The following CDC14B variants were observed in gnomAD, a reference collection of about 807,000 sequenced individuals.
CDC14B encodes cell division cycle 14B, also known as dual specificity protein phosphatase CDC14B.
Under a neutral mutation model 64.2 loss-of-function variants are expected in CDC14B, and 22 were observed. The observed-to-expected ratio is 0.34, with a 90% CI of 0.24 to 0.49. The LOEUF (loss-of-function observed/expected upper bound fraction) is 0.49. CDC14B is among the 20% of genes least tolerant of loss of function. CDC14B has a pLI of 0.99. For missense variants in CDC14B, 498 were observed against 629.9 expected (o/e 0.79, Z 2.24); for synonymous variants, 191 against 215.8 (o/e 0.89, Z 1.01).
intron 12 of CDC14B, 106 bp from the exon 13 acceptor site, chr9:96,509,895 G>A: frequency 2.9e-6 from 2 of 686,612 alleles, no homozygotes; most frequent in East Asian, 5.4e-5. Context: ...CTTGAGAATT[G>A]AGAGGATTTT....
intron 9 of CDC14B, among the ~76,000 whole-genome samples, chr9:96,527,720 C>A (rs962686375): frequency 9.2e-5 from 14 of 152,106 alleles, no homozygotes; most frequent in Middle Eastern, 3.4e-3. Context: ...GGTTCACGCC[C>A]TTCTCCTGCC....
At chr9:96,578,909 C>T (rs753428780) in intron 1 of CDC14B, among the ~76,000 whole-genome samples, 11 of 152,196 alleles carry the variant, frequency 7.2e-5, no homozygotes, top group Non-Finnish European at 1.6e-4. Flanking sequence ...ACCTCTGCCT[C>T]CTGGTTCCAG....
chr9:96,586,482 T>G (rs1845460192), intron 1 of CDC14B, among the ~76,000 whole-genome samples: 1 of 152,216 alleles, frequency 6.6e-6, no homozygotes, highest in Non-Finnish European at 1.5e-5. Flanking sequence ...TCACCCAGGC[T>G]GTAGTGCAGT....
At chr9:96,504,367 A>G (rs1482556281) in intron 13 of CDC14B, among the ~76,000 whole-genome samples, 1 of 152,188 alleles carries the variant, frequency 6.6e-6, no homozygotes, top group Non-Finnish European at 1.5e-5. Flanking sequence ...TCACGACGCT[A>G]CACTTTCAGG....
intron 4 of CDC14B, among the ~76,000 whole-genome samples, chr9:96,556,957 G>A (rs1842581694): frequency 6.6e-6 from 1 of 152,162 alleles, no homozygotes; most frequent in Non-Finnish European, 1.5e-5. Flanking sequence ...TTTATAGACA[G>A]GAACCCATCC....
At chr9:96,567,236 A>C in intron 1 of CDC14B, 1 of 180,068 alleles carries the variant, frequency 5.6e-6, no homozygotes, top group Non-Finnish European at 1.2e-5. Context: ...TTAGCGATTA[A>C]AGGACTTCGA....
At chr9:96,549,526 G>A (rs527805493) in intron 5 of CDC14B, among the ~76,000 whole-genome samples, 4 of 152,186 alleles carry the variant, frequency 2.6e-5, no homozygotes, top group East Asian at 3.9e-4. Flanking sequence ...TTAGCCAGGC[G>A]TGGTGGCACA....
chr9:96,563,247 C>T (rs1388649706), intron 3 of CDC14B, among the ~76,000 whole-genome samples: 1 of 152,254 alleles, frequency 6.6e-6, no homozygotes, highest in Middle Eastern at 3.4e-3. Flanking sequence ...TATGGGGTGC[C>T]GCCAGTGCAC....
chr9:96,546,076 G>A (rs1337414986), intron 5 of CDC14B, among the ~76,000 whole-genome samples: 1 of 152,120 alleles, frequency 6.6e-6, no homozygotes, highest in Non-Finnish European at 1.5e-5. Flanking sequence ...GCACAACAAT[G>A]TCAAATACTA....
chr9:96,598,587 G>A (rs1283361934), intron 1 of CDC14B, among the ~76,000 whole-genome samples: 5 of 151,920 alleles, frequency 3.3e-5, no homozygotes, highest in Admixed American at 2.0e-4. Flanking sequence ...CACCTGCCTC[G>A]GCCTCCCAAA....
chr9:96,610,355 C>T (rs1006013978), intron 1 of CDC14B, among the ~76,000 whole-genome samples: 5 of 152,034 alleles, frequency 3.3e-5, no homozygotes, highest in Non-Finnish European at 7.4e-5. Context: ...CCCGCCACCA[C>T]GCCCGGCTAA....
chr9:96,525,979 C>T (rs946407864), intron 9 of CDC14B, among the ~76,000 whole-genome samples: 1 of 152,132 alleles, frequency 6.6e-6, no homozygotes, highest in African/African-American at 2.4e-5. Context: ...GTTCTAAGTC[C>T]CAATACAACT....
At chr9:96,609,515 C>T (rs60028072) in intron 1 of CDC14B, among the ~76,000 whole-genome samples, 3,468 of 152,276 alleles carry the variant, frequency 0.023, 136 homozygotes, top group African/African-American at 0.079. Flanking sequence ...CAAGTAGTTA[C>T]TCAATAAATA....
At chr9:96,529,627 G>A (rs1213853865) in intron 9 of CDC14B, among the ~76,000 whole-genome samples, 1 of 151,854 alleles carries the variant, frequency 6.6e-6, no homozygotes, top group East Asian at 1.9e-4. Flanking sequence ...GAGTAGCTGG[G>A]ACTACAGGTA....
At chr9:96,583,742 G>A (rs1160401848) in intron 1 of CDC14B, among the ~76,000 whole-genome samples, 15 of 142,230 alleles carry the variant, frequency 1.1e-4, no homozygotes, top group South Asian at 2.3e-4. Context: ...TTTTTGAGAC[G>A]GAGTCTCGCT....
chr9:96,553,549 T>C (rs1447076020), intron 4 of CDC14B, among the ~76,000 whole-genome samples: 4 of 151,676 alleles, frequency 2.6e-5, no homozygotes, highest in Non-Finnish European at 5.9e-5. Flanking sequence ...TTAGTAGAGA[T>C]GGGGTTTCAC....
chr9:96,535,045 T>C (rs1163876299), intron 7 of CDC14B, among the ~76,000 whole-genome samples: 3 of 152,202 alleles, frequency 2.0e-5, no homozygotes, highest in African/African-American at 7.2e-5. Context: ...CAGAGATATA[T>C]CTTTCCACTA....
At chr9:96,541,238 T>A (rs1840014839) in intron 6 of CDC14B, among the ~76,000 whole-genome samples, 1 of 152,166 alleles carries the variant, frequency 6.6e-6, no homozygotes. Context: ...AGGGAGGGTG[T>A]CCCCTGGAAT....
intron 3 of CDC14B, among the ~76,000 whole-genome samples, chr9:96,563,465 A>G (rs1331270106): frequency 6.6e-6 from 1 of 152,126 alleles, no homozygotes; most frequent in Non-Finnish European, 1.5e-5. Context: ...AGCCTGACCA[A>G]CATGGAGAAA....
Sources: gnomAD v4.1 joint callset for allele counts (sites outside exome capture counted in the v4.1 genomes callset) on GRCh38, gnomAD v4.1.1 for gene constraint, MANE v1.5 for transcripts, NCBI Gene and HGNC (gene_info 2026-07-23, HGNC 2026-07-21) for gene names.